The following EYS variants were observed in gnomAD, a reference collection of about 807,000 sequenced individuals.
The protein encoded by EYS is protein eyes shut homolog.
In EYS, 250 loss-of-function variants were observed where a neutral mutation model predicts 282.1. The observed-to-expected ratio is 0.89, with a 90% CI of 0.80 to 0.98. The LOEUF (loss-of-function observed/expected upper bound fraction) is 0.98. Among genes scored for constraint, EYS ranks in the 50% least tolerant of loss-of-function variants. The probability of loss-of-function intolerance (pLI) is 0.00; values close to 1 mark genes in which losing one functional copy is unlikely to be tolerated. For synonymous variants in EYS, 1,355 were observed against 1,282.9 expected, an observed-to-expected ratio of 1.06 and a Z score of -1.20; for missense variants, 4,016 against 3,709.0, an observed-to-expected ratio of 1.08 and a Z score of -2.15.
chr6:64,359,103 CTT>C (rs1771924077), intron 29 of EYS, among the ~76,000 whole-genome samples: 1 of 151,600 alleles, frequency 6.6e-6, no homozygotes, highest in Non-Finnish European at 1.5e-5. Flanking sequence ...ATTAAGAAGA[CTT>C]ATGTTAGGTT....
At chr6:65,604,997 C>T (rs1765736903) in intron 2 of EYS, among the ~76,000 whole-genome samples, 1 of 148,536 alleles carries the variant, frequency 6.7e-6, no homozygotes, top group African/African-American at 2.5e-5. Context: ...ATATGGCCGA[C>T]CATGCCCAGC....
intron 31 of EYS, among the ~76,000 whole-genome samples, chr6:64,195,278 A>G (rs1035694280): frequency 1.3e-5 from 2 of 152,176 alleles, no homozygotes; most frequent in Admixed American, 6.5e-5. Flanking sequence ...AAAAAATGCA[A>G]TTCAATGGCT....
intron 32 of EYS, among the ~76,000 whole-genome samples, chr6:64,070,164 G>T (rs771890648): frequency 1.6e-4 from 24 of 152,052 alleles, no homozygotes; most frequent in Admixed American, 4.6e-4. Flanking sequence ...TTTAGTTGCA[G>T]TGTGGAATCT....
At chr6:64,603,532 C>G (rs1766827423) in intron 24 of EYS, among the ~76,000 whole-genome samples, 1 of 152,024 alleles carries the variant, frequency 6.6e-6, no homozygotes, top group Non-Finnish European at 1.5e-5. Context: ...GGTGAAGTCT[C>G]TCTTAGATTT....
chr6:64,341,735 T>G (rs904420389), intron 29 of EYS, among the ~76,000 whole-genome samples: 3 of 151,710 alleles, frequency 2.0e-5, no homozygotes, highest in African/African-American at 7.2e-5. Flanking sequence ...CAATCCTACT[T>G]CCTTCCTTTC....
intron 31 of EYS, among the ~76,000 whole-genome samples, chr6:64,217,926 T>C (rs1765983027): frequency 6.6e-6 from 1 of 152,194 alleles, no homozygotes; most frequent in African/African-American, 2.4e-5. Context: ...AAATAGTTGA[T>C]AGTGGGACAC....
intron 28 of EYS, among the ~76,000 whole-genome samples, chr6:64,393,600 C>T (rs1306871835): frequency 1.3e-5 from 2 of 152,020 alleles, no homozygotes; most frequent in East Asian, 1.9e-4. Context: ...GCTAAAAACT[C>T]TCAATAAATT....
At chr6:64,322,307 G>C (rs1364502435) in intron 29 of EYS, among the ~76,000 whole-genome samples, 1 of 151,936 alleles carries the variant, frequency 6.6e-6, no homozygotes, top group Non-Finnish European at 1.5e-5. Flanking sequence ...AGCATATGTG[G>C]GGCTAGGTGT....
intron 31 of EYS, among the ~76,000 whole-genome samples, chr6:64,136,224 C>A (rs1562219315): frequency 6.6e-6 from 1 of 151,568 alleles, no homozygotes; most frequent in Non-Finnish European, 1.5e-5. Flanking sequence ...GAGATTATAG[C>A]AAGTTAGTCA....
At chr6:64,264,466 CA>C (rs1767689122) in intron 30 of EYS, among the ~76,000 whole-genome samples, 4 of 152,232 alleles carry the variant, frequency 2.6e-5, no homozygotes, top group Admixed American at 6.5e-5. Context: ...AGAATAGTCA[CA>C]GGGGATTCAG....
At chr6:64,297,937 C>T (rs1164927853) in intron 30 of EYS, among the ~76,000 whole-genome samples, 3 of 147,410 alleles carry the variant, frequency 2.0e-5, no homozygotes, top group Admixed American at 2.0e-4. Flanking sequence ...AAGATAGTGC[C>T]ACTGCACTCC....
intron 28 of EYS, among the ~76,000 whole-genome samples, chr6:64,435,728 G>A (rs1053460026): frequency 2.6e-5 from 4 of 151,820 alleles, no homozygotes; most frequent in East Asian, 3.9e-4. Context: ...TTTGGGGATA[G>A]GGTCACCTTA....
intron 2 of EYS, among the ~76,000 whole-genome samples, chr6:65,558,937 A>T (rs1170559130): frequency 6.6e-6 from 1 of 152,216 alleles, no homozygotes; most frequent in African/African-American, 2.4e-5. Flanking sequence ...GAAGATTTTA[A>T]ACAATCTCCC....
intron 14 of EYS, among the ~76,000 whole-genome samples, chr6:64,974,652 G>T (rs978748191): frequency 6.6e-6 from 1 of 151,776 alleles, no homozygotes; most frequent in Non-Finnish European, 1.5e-5. Context: ...TGTCCTTATA[G>T]GATACATATT....
chr6:65,163,170 T>TC (rs1421492356), intron 12 of EYS, among the ~76,000 whole-genome samples: 4 of 151,270 alleles, frequency 2.6e-5, no homozygotes, highest in Admixed American at 6.6e-5. Flanking sequence ...TAGAGCTTTT[T>TC]CAAATGTTTA....
In EYS at chr6:64,478,080, T is replaced by A. The variant is rs181233870; in HGVS notation, c.5645-38728A>T. ...TCCCTTCTACTTCTGTAGAAAGTTTTCCACCATTGTGTCCTTAATATACTG... is the reference window on the plus strand; with the variant it reads ...TCCCTTCTACTTCTGTAGAAAGTTTACCACCATTGTGTCCTTAATATACTG... On this transcript the variant is annotated intron_variant, in intron 26 of 42. Coordinates refer to ENST00000503581, the MANE Select transcript of EYS (RefSeq NM_001142800.2). Among the ~76,000 whole-genome samples the A allele has an allele frequency of 7.2e-3, 1,089 of 152,208 alleles. 9 individuals are homozygous for A. The highest frequency in any genetic ancestry group is 8.0e-3 in the Non-Finnish European group (547 of 67,980).
intron 7 of EYS, among the ~76,000 whole-genome samples, chr6:65,399,434 A>G (rs13206662): frequency 6.6e-6 from 1 of 152,036 alleles, no homozygotes; most frequent in Non-Finnish European, 1.5e-5. Flanking sequence ...TAGTTAGAAA[A>G]TATTCTATAC....
intron 12 of EYS, among the ~76,000 whole-genome samples, chr6:65,289,321 G>A (rs966169415): frequency 1.3e-5 from 2 of 150,884 alleles, no homozygotes; most frequent in African/African-American, 4.8e-5. Context: ...TATTGGGTTT[G>A]TGTGTATGTA....
At chr6:65,612,067 A>C (rs1490113952) in intron 2 of EYS, among the ~76,000 whole-genome samples, 4 of 151,944 alleles carry the variant, frequency 2.6e-5, no homozygotes, top group Admixed American at 1.3e-4. Flanking sequence ...AGTCCAAAAG[A>C]ACACTCATAA....
Sources: allele counts gnomAD v4.1 joint callset (sites outside exome capture counted in the v4.1 genomes callset), GRCh38; gene constraint gnomAD v4.1.1; transcripts MANE v1.5; gene names NCBI Gene and HGNC (gene_info 2026-07-23, HGNC 2026-07-21).